Variants in HS6ST3 observed in about 807,000 individuals in gnomAD.
The protein encoded by HS6ST3 is heparan-sulfate 6-O-sulfotransferase 3.
HS6ST3 carries 12 observed loss-of-function variants against 36.7 expected under a neutral mutation model. The ratio of observed to expected loss-of-function variants is 0.33; its 90% CI spans 0.21 to 0.53. The LOEUF (loss-of-function observed/expected upper bound fraction) is 0.53. Among genes scored for constraint, HS6ST3 ranks in the 20% least tolerant of loss-of-function variants. The probability of loss-of-function intolerance (pLI) is 0.95; values close to 1 mark genes in which losing one functional copy is unlikely to be tolerated. For synonymous variants in HS6ST3, 240 were observed against 257.5 expected, an observed-to-expected ratio of 0.93 and a Z score of 0.65; for missense variants, 584 against 640.9, an observed-to-expected ratio of 0.91 and a Z score of 0.96.
At chr13:96,095,563 G>C (rs544484735) in intron 1 of HS6ST3, among the ~76,000 whole-genome samples, 1 of 152,326 alleles carries the variant, frequency 6.6e-6, no homozygotes, top group African/African-American at 2.4e-5. Flanking sequence ...TTGGGGAGAG[G>C]TGGTTTCAGG....
At chr13:96,760,922 A>T (rs969777297) in intron 1 of HS6ST3, among the ~76,000 whole-genome samples, 5 of 152,044 alleles carry the variant, frequency 3.3e-5, no homozygotes, top group Admixed American at 6.6e-5. Flanking sequence ...TATAGATTGG[A>T]CGGGCAGATA....
chr13:96,485,225 A>C (rs1378359903), intron 1 of HS6ST3, among the ~76,000 whole-genome samples: 2 of 152,136 alleles, frequency 1.3e-5, no homozygotes, highest in African/African-American at 4.8e-5. Flanking sequence ...TGAACATGGA[A>C]TATCTCTTCA....
At chr13:96,778,128 A>G (rs1877437444) in intron 1 of HS6ST3, among the ~76,000 whole-genome samples, 2 of 152,238 alleles carry the variant, frequency 1.3e-5, no homozygotes, top group Non-Finnish European at 2.9e-5. Flanking sequence ...CATATGCAGA[A>G]AACTGAAATT....
intron 1 of HS6ST3, among the ~76,000 whole-genome samples, chr13:96,658,271 T>C (rs2784790): frequency 0.027 from 154 of 5,602 alleles, 1 homozygote; most frequent in Non-Finnish European, 0.064. Flanking sequence ...TCTTCTTCTT[T>C]TTTTTTTTTT....
At chr13:96,650,152 C>T (rs1051121170) in intron 1 of HS6ST3, among the ~76,000 whole-genome samples, 16 of 151,976 alleles carry the variant, frequency 1.1e-4, no homozygotes, top group Non-Finnish European at 1.5e-4. Flanking sequence ...ATACCCTGCT[C>T]TACTTTTTCC....
intron 1 of HS6ST3, among the ~76,000 whole-genome samples, chr13:96,694,227 A>G (rs1309389003): frequency 6.6e-6 from 1 of 151,942 alleles, no homozygotes; most frequent in Non-Finnish European, 1.5e-5. Flanking sequence ...TTGTGTTCTC[A>G]TTATTTAGCT....
intron 1 of HS6ST3, among the ~76,000 whole-genome samples, chr13:96,644,433 A>G (rs2056580908): frequency 1.3e-5 from 2 of 152,056 alleles, no homozygotes; most frequent in Non-Finnish European, 1.5e-5. Context: ...ATTATGATTT[A>G]AGGAAAAGAA....
chr13:96,301,067 A>C (rs979103198), intron 1 of HS6ST3, among the ~76,000 whole-genome samples: 2 of 152,168 alleles, frequency 1.3e-5, no homozygotes, highest in African/African-American at 4.8e-5. Context: ...TATGCTGCAC[A>C]AGAGATGTAT....
At position 96,396,379 on chromosome 13, in the gene HS6ST3, G is replaced by A. The variant is rs538819611; in HGVS notation, c.707+304810G>A. Among the ~76,000 whole-genome samples, 3 of 152,110 alleles carry A rather than the reference G, an allele frequency of 2.0e-5. No homozygotes were observed. The South Asian group carries it at 6.2e-4, about 32-fold the overall frequency. Reference sequence around the variant, plus strand: ...TCAGATAACATCTATAGGATATCTAGTATAATTAATTCATTTCTTTCCAAT... The same window carrying A: ...TCAGATAACATCTATAGGATATCTAATATAATTAATTCATTTCTTTCCAAT... On this transcript the variant is annotated intron_variant, in intron 1 of 1. Transcript: ENST00000376705.
rs574482171 is a variant in HS6ST3 at position 96,303,373 on chromosome 13, G to A, written c.707+211804G>A. On this transcript the variant is annotated intron_variant, in intron 1 of 1. Coordinates refer to ENST00000376705, the MANE Select transcript of HS6ST3 (RefSeq NM_153456.4). ...ATTCCTTTGTGACCTGACCTTGTGG[G>A]CTACAAAATGTTATTTTCAATCTAG... Among the ~76,000 whole-genome samples, 3 of 152,296 alleles carry A rather than the reference G, an allele frequency of 2.0e-5. No individual in the cohort carries two copies. The South Asian group carries it at 6.2e-4, about 32-fold the overall frequency.
chr13:96,374,709 G>T (rs1432053066), intron 1 of HS6ST3, among the ~76,000 whole-genome samples: 2 of 152,144 alleles, frequency 1.3e-5, no homozygotes, highest in South Asian at 2.1e-4. Context: ...ATCACAAAAA[G>T]GTCACTATAC....
intron 1 of HS6ST3, among the ~76,000 whole-genome samples, chr13:96,440,865 CA>C (rs1488948704): frequency 7.2e-5 from 11 of 152,122 alleles, no homozygotes; most frequent in Non-Finnish European, 1.3e-4. Flanking sequence ...ACCTTTTCTC[CA>C]GCATTTATTG....
At chr13:96,390,117 T>A (rs2055388362) in intron 1 of HS6ST3, among the ~76,000 whole-genome samples, 1 of 152,206 alleles carries the variant, frequency 6.6e-6, no homozygotes, top group Non-Finnish European at 1.5e-5. Flanking sequence ...ATCTTTAGTA[T>A]TGATACAAAC....
chr13:96,173,045 C>A (rs1429034544), intron 1 of HS6ST3, among the ~76,000 whole-genome samples: 1 of 151,950 alleles, frequency 6.6e-6, no homozygotes. Flanking sequence ...AGGTAGAACC[C>A]TATTCTCAAG....
chr13:96,692,584 C>G (rs1176259514), intron 1 of HS6ST3, among the ~76,000 whole-genome samples: 1 of 152,070 alleles, frequency 6.6e-6, no homozygotes, highest in East Asian at 1.9e-4. Context: ...TGTGCAAAGC[C>G]TGAAGATGAA....
At chr13:96,646,291 C>T (rs1361351848) in intron 1 of HS6ST3, among the ~76,000 whole-genome samples, 1 of 151,934 alleles carries the variant, frequency 6.6e-6, no homozygotes, top group Non-Finnish European at 1.5e-5. Context: ...GAGCTCTTAC[C>T]CTTTTCATAC....
At chr13:96,351,335 T>TTTTTTTTTTTTTTTAAAAA (rs1203595829) in intron 1 of HS6ST3, among the ~76,000 whole-genome samples, 1 of 146,364 alleles carries the variant, frequency 6.8e-6, no homozygotes, top group African/African-American at 2.6e-5. Context: ...TTTTTTTTTT[T>TTTTTTTTTTTTTTTAAAAA]AAAAAAAACA....
intron 1 of HS6ST3, among the ~76,000 whole-genome samples, chr13:96,817,614 G>T (rs1005174602): frequency 6.6e-6 from 1 of 152,134 alleles, no homozygotes; most frequent in South Asian, 2.1e-4. Context: ...TTGGATTTTT[G>T]TTGATGGGTC....
intron 1 of HS6ST3, among the ~76,000 whole-genome samples, chr13:96,208,475 T>C (rs1001560791): frequency 6.6e-6 from 1 of 152,156 alleles, no homozygotes; most frequent in Non-Finnish European, 1.5e-5. Context: ...GAAATGTAAA[T>C]TTAGTATTTT....
Sources: allele counts gnomAD v4.1 joint callset (sites outside exome capture counted in the v4.1 genomes callset), GRCh38; gene constraint gnomAD v4.1.1; transcripts MANE v1.5; gene names NCBI Gene and HGNC (gene_info 2026-07-23, HGNC 2026-07-21).